GLMN: variants seen among roughly 807,000 people sequenced by gnomAD.
GLMN encodes the protein glomulin.
GLMN carries 75 observed loss-of-function variants against 87.8 expected under a neutral mutation model. That is an observed-to-expected ratio of 0.85 (90% CI 0.71 to 1.04). The LOEUF (loss-of-function observed/expected upper bound fraction) is 1.04, where lower values mean the gene tolerates loss of function less well. Ranked by LOEUF, GLMN falls within the 50% of genes least tolerant of loss-of-function variation. The pLI is 0.00. For synonymous variants in GLMN, 206 were observed against 221.6 expected (o/e 0.93, Z 0.63); for missense variants, 588 against 658.8 (o/e 0.89, Z 1.18).
intron 3 of GLMN, among the ~76,000 whole-genome samples, chr1:92,292,616 G>C (rs1649541210): frequency 6.8e-6 from 1 of 148,006 alleles, no homozygotes. Context: ...GTAGAGATGG[G>C]GTTTCACCAT....
In GLMN at chr1:92,292,177, C is replaced by T. The variant is rs1012431834; in HGVS notation, c.166-640G>A. ...AACTCATCAGTATTTACCAAGCCTA[C>T]ACTATAATATTCTAGAGGTTAGAAA... On this transcript the variant is annotated intron_variant, in intron 3 of 18. Coordinates refer to ENST00000370360, the MANE Select transcript of GLMN (RefSeq NM_053274.3). Among the ~76,000 whole-genome samples the T allele has an allele frequency of 2.6e-4, 39 of 152,154 alleles. 1 individual carries two copies. The highest frequency in any genetic ancestry group is 5.3e-4 in the Non-Finnish European group (36 of 68,034).
At chr1:92,325,380 A>T in the GLMN span, among the ~76,000 whole-genome samples, 1 of 152,118 alleles carries the variant, frequency 6.6e-6, no homozygotes, top group African/African-American at 2.4e-5. Flanking sequence ...ACCCTACTTC[A>T]AATCATTTCA....
chr1:92,276,778 T>C (rs1647349523), intron 7 of GLMN, among the ~76,000 whole-genome samples: 1 of 152,184 alleles, frequency 6.6e-6, no homozygotes, highest in South Asian at 2.1e-4. Flanking sequence ...GACTTACAGA[T>C]GAATTATGTT....
At chr1:92,351,305 CAAAAAAAA>C in the GLMN span, among the ~76,000 whole-genome samples, 1 of 86,838 alleles carries the variant, frequency 1.2e-5, no homozygotes, top group Non-Finnish European at 2.2e-5. Context: ...GACTCTGTCT[CAAAAAAAA>C]AAAAAAAAAA....
the GLMN span, among the ~76,000 whole-genome samples, chr1:92,342,491 G>C: frequency 2.8e-4 from 43 of 152,288 alleles, no homozygotes; most frequent in Non-Finnish European, 4.6e-4. Flanking sequence ...TACTCTGAGT[G>C]AGATGGAGGG....
chr1:92,331,113 T>G, the GLMN span, among the ~76,000 whole-genome samples: 1 of 152,202 alleles, frequency 6.6e-6, no homozygotes, highest in Non-Finnish European at 1.5e-5. Context: ...TTCTGCAAAT[T>G]TTACTTTTTG....
chr1:92,336,658 T>C, the GLMN span, among the ~76,000 whole-genome samples: 2 of 152,268 alleles, frequency 1.3e-5, no homozygotes, highest in East Asian at 3.9e-4. Flanking sequence ...ATTTACGGAA[T>C]AGCCTAAAAT....
chr1:92,315,167 T>C, the GLMN span, among the ~76,000 whole-genome samples: 2 of 152,086 alleles, frequency 1.3e-5, no homozygotes, highest in Admixed American at 6.6e-5. Context: ...AGTCTTCCAT[T>C]GTAAAGTTAC....
intron 9 of GLMN, 109 bp from the exon 10 acceptor site, chr1:92,268,244 A>G: frequency 1.5e-6 from 1 of 661,826 alleles, no homozygotes; most frequent in Non-Finnish European, 2.7e-6. Context: ...TTTAAAATGC[A>G]TATCATTAAG....
the GLMN span, among the ~76,000 whole-genome samples, chr1:92,362,803 A>G: frequency 6.6e-6 from 1 of 152,140 alleles, no homozygotes; most frequent in Admixed American, 6.5e-5. Flanking sequence ...GCAATGAGTG[A>G]CAAATCTGCT....
chr1:92,295,874 AGTT>A (rs1349587773), intron 3 of GLMN, among the ~76,000 whole-genome samples: 2 of 152,242 alleles, frequency 1.3e-5, no homozygotes, highest in African/African-American at 2.4e-5. Context: ...AATAAATATT[AGTT>A]GTTATTAATT....
At chr1:92,264,298 C>T (rs1178656704) in intron 14 of GLMN, among the ~76,000 whole-genome samples, 1 of 151,794 alleles carries the variant, frequency 6.6e-6, no homozygotes, top group Non-Finnish European at 1.5e-5. Context: ...GGGTGACAGG[C>T]GTGAAACCCT....
chr1:92,312,839 TCAGA>T, the GLMN span, among the ~76,000 whole-genome samples: 2 of 152,118 alleles, frequency 1.3e-5, no homozygotes, highest in South Asian at 2.1e-4. Context: ...TTTCTTTTTT[TCAGA>T]CAGAGTCTCA....
chr1:92,297,862 G>A lies in GLMN; in HGVS notation c.39+99C>T, dbSNP rs1446602369. 8 of 730,424 alleles carry A rather than the reference G, an allele frequency of 1.1e-5. No homozygotes were observed. The East Asian group carries it at 1.9e-4, about 17-fold the overall frequency. 45.2% of individuals were successfully genotyped at this position (730,424 alleles called of 1,614,324 possible). On this transcript the variant is annotated intron_variant, in intron 2 of 18. Coordinates refer to ENST00000370360, the MANE Select transcript of GLMN (RefSeq NM_053274.3). ...CAGGTCAAAAAAAGCAAGGATTAAA[G>A]AAGATAAACAATTTGAGTGACCACA...
chr1:92,364,449 C>G, the GLMN span, among the ~76,000 whole-genome samples: 7 of 152,108 alleles, frequency 4.6e-5, no homozygotes, highest in Non-Finnish European at 7.4e-5. Context: ...GTTTCTCCCC[C>G]CAAAATGGTA....
At chr1:92,252,738 AT>A (rs1653689359) in intron 16 of GLMN, among the ~76,000 whole-genome samples, 1 of 151,866 alleles carries the variant, frequency 6.6e-6, no homozygotes, top group South Asian at 2.1e-4. Context: ...AGAAAATCAC[AT>A]TTTAAGATTT....
chr1:92,330,675 C>G, the GLMN span, among the ~76,000 whole-genome samples: 1 of 152,004 alleles, frequency 6.6e-6, no homozygotes, highest in East Asian at 1.9e-4. Flanking sequence ...TGGTCTCGAA[C>G]TCGTGAGCTC....
chr1:92,277,099 A>G (rs890920249), intron 7 of GLMN, among the ~76,000 whole-genome samples: 6 of 152,188 alleles, frequency 3.9e-5, no homozygotes, highest in African/African-American at 9.7e-5. Context: ...TACCTACTAT[A>G]AAGTTCTCAA....
intron 15 of GLMN, among the ~76,000 whole-genome samples, 180 bp downstream of exon 15, chr1:92,263,440 TTTA>T (rs369405329): frequency 1.9e-3 from 283 of 152,296 alleles, no homozygotes; most frequent in African/African-American, 6.4e-3. Context: ...AAGAGGAGGT[TTTA>T]ATTTTGTTTC....
Sources: allele counts gnomAD v4.1 joint callset (sites outside exome capture counted in the v4.1 genomes callset), GRCh38; gene constraint gnomAD v4.1.1; transcripts MANE v1.5; gene names NCBI Gene and HGNC (gene_info 2026-07-23, HGNC 2026-07-21).